Variants in SGCD observed in about 807,000 individuals in gnomAD.
The protein encoded by SGCD is delta-sarcoglycan.
SGCD carries 18 observed loss-of-function variants against 36.6 expected under a neutral mutation model. The ratio of observed to expected loss-of-function variants is 0.49; its 90% CI spans 0.34 to 0.73. SGCD has a LOEUF of 0.73. SGCD is among the 30% of genes least tolerant of loss of function. The probability of loss-of-function intolerance (pLI) is 0.01; values close to 1 mark genes in which losing one functional copy is unlikely to be tolerated. For missense variants in SGCD, 387 were observed against 346.7 expected (o/e 1.12, Z -0.92); for synonymous variants, 133 against 130.6 (o/e 1.02, Z -0.12).
At chr5:156,285,999 A>C (rs537079354) in intron 3 of SGCD, among the ~76,000 whole-genome samples, 1 of 152,212 alleles carries the variant, frequency 6.6e-6, no homozygotes, top group Admixed American at 6.5e-5. Context: ...CAACCCTATC[A>C]AAAAATGGGT....
chr5:156,210,464 A>G (rs1172986470), intron 3 of SGCD, among the ~76,000 whole-genome samples: 1 of 152,172 alleles, frequency 6.6e-6, no homozygotes, highest in Non-Finnish European at 1.5e-5. Context: ...GCTGACCCCT[A>G]AGAAATAGAG....
chr5:156,707,319 A>G lies in SGCD; in HGVS notation c.576-50262A>G, dbSNP rs561007177. Among the ~76,000 whole-genome samples, 3 of 152,278 alleles carry G rather than the reference A, an allele frequency of 2.0e-5. No homozygotes were observed. In the South Asian group the frequency reaches 6.2e-4, roughly 32 times the overall value. On this transcript the variant is annotated intron_variant, in intron 7 of 8. Transcript: ENST00000337851. Reference sequence around the variant, plus strand: ...CATTAACTGGATTCATGCCTATTCTATTCAATAAAGTTATCTCTTTAGACT... The same window carrying G: ...CATTAACTGGATTCATGCCTATTCTGTTCAATAAAGTTATCTCTTTAGACT...
intron 1 of SGCD, among the ~76,000 whole-genome samples, chr5:155,936,328 T>C (rs1296364306): frequency 6.6e-6 from 1 of 152,176 alleles, no homozygotes; most frequent in East Asian, 1.9e-4. Flanking sequence ...AGGAGATTTA[T>C]TGAGTGATAG....
At chr5:155,863,364 C>T in the SGCD span, among the ~76,000 whole-genome samples, 2 of 152,040 alleles carry the variant, frequency 1.3e-5, no homozygotes, top group Non-Finnish European at 2.9e-5. Flanking sequence ...TAAATGACTT[C>T]CTGGTGGGTT....
At chr5:156,414,901 G>C (rs1344548609) in intron 3 of SGCD, among the ~76,000 whole-genome samples, 1 of 152,142 alleles carries the variant, frequency 6.6e-6, no homozygotes, top group African/African-American at 2.4e-5. Flanking sequence ...CTACTATTGT[G>C]ATGAAAAATC....
At chr5:155,773,856 G>A in the SGCD span, among the ~76,000 whole-genome samples, 2 of 152,100 alleles carry the variant, frequency 1.3e-5, no homozygotes, top group African/African-American at 4.8e-5. Context: ...CAGGCCAGCC[G>A]AAGGTCATGA....
chr5:156,477,841 T>G (rs1755255180), intron 3 of SGCD, among the ~76,000 whole-genome samples: 1 of 152,194 alleles, frequency 6.6e-6, no homozygotes, highest in African/African-American at 2.4e-5. Flanking sequence ...AGGTGCAAAA[T>G]GCAGCATCTC....
chr5:156,725,519 G>T lies in SGCD; in HGVS notation c.576-32062G>T, dbSNP rs1184570544. Among the ~76,000 whole-genome samples the T allele has an allele frequency of 2.6e-5, 4 of 152,168 alleles. No individual in the cohort carries two copies. The East Asian group carries it at 7.7e-4, about 29-fold the overall frequency. On this transcript the variant is annotated intron_variant, in intron 7 of 8. Transcript: ENST00000337851. ...GTCCAGAGCCAGCTGGGTCTGATGGGTTCCATAAATAAGAACTGGACTCCA... is the reference window on the plus strand; with the variant it reads ...GTCCAGAGCCAGCTGGGTCTGATGGTTTCCATAAATAAGAACTGGACTCCA...
chr5:155,951,565 T>C (rs1757549307), intron 1 of SGCD, among the ~76,000 whole-genome samples: 1 of 152,210 alleles, frequency 6.6e-6, no homozygotes, highest in Non-Finnish European at 1.5e-5. Context: ...GCATGCCTAA[T>C]TATTGGTCAC....
intron 3 of SGCD, among the ~76,000 whole-genome samples, chr5:156,181,365 T>TAA (rs1763601546): frequency 6.6e-6 from 1 of 152,180 alleles, no homozygotes; most frequent in East Asian, 1.9e-4. Flanking sequence ...ACTAAAAAAC[T>TAA]TGCTATCATT....
intron 1 of SGCD, among the ~76,000 whole-genome samples, chr5:156,060,939 T>C (rs1388645171): frequency 6.9e-6 from 1 of 145,730 alleles, no homozygotes; most frequent in Non-Finnish European, 1.5e-5. Context: ...GCCACCTCAT[T>C]TTAACATCCC....
intron 7 of SGCD, among the ~76,000 whole-genome samples, chr5:156,752,396 C>CT: frequency 6.6e-6 from 1 of 152,130 alleles, no homozygotes; most frequent in Middle Eastern, 3.4e-3. Context: ...GTCATTCTTT[C>CT]TTTTTTTCCC....
Position 156,274,871 on chromosome 5 carries a change from G to T in SGCD, c.-43-54663G>T, listed in dbSNP as rs533437304. 2.0e-5 allele frequency among the ~76,000 whole-genome samples: 3 copies of T among 152,216 alleles called. No homozygotes were observed. The East Asian group carries it at 5.8e-4, about 29-fold the overall frequency. On this transcript the variant is annotated intron_variant, in intron 3 of 9. Transcript: ENST00000517913. The stretch of plus-strand genomic sequence containing the variant: ...CTGTGACCCTGGGGTCCCTCAGTCT[G>T]CAAGGAGTTGCAAGCTCAAACACCT...
intron 3 of SGCD, among the ~76,000 whole-genome samples, chr5:156,141,727 T>G (rs1292985977): frequency 6.6e-6 from 1 of 152,178 alleles, no homozygotes; most frequent in Non-Finnish European, 1.5e-5. Flanking sequence ...CAGAGCATAG[T>G]GAAGTAAATG....
chr5:156,129,324 A>T (rs1336154338), intron 3 of SGCD, among the ~76,000 whole-genome samples: 1 of 152,212 alleles, frequency 6.6e-6, no homozygotes, highest in Non-Finnish European at 1.5e-5. Flanking sequence ...CCTAATGTAC[A>T]GATGTAGAAA....
intron 3 of SGCD, among the ~76,000 whole-genome samples, chr5:156,310,368 T>C (rs545066916): frequency 2.0e-5 from 3 of 152,208 alleles, no homozygotes; most frequent in Non-Finnish European, 2.9e-5. Flanking sequence ...TCTGTGATGA[T>C]AGTCAGAACA....
rs555925420 is a variant in SGCD, at chr5:156,148,642, A to G, written c.-44+24623A>G. 2.5e-3 allele frequency among the ~76,000 whole-genome samples: 374 copies of G among 152,308 alleles called. 1 individual carries two copies. The highest frequency in any genetic ancestry group is 7.9e-3 in the African/African-American group (328 of 41,548). ...CTCACCATCCAATAATGAGATACAG[A>G]CAGACTGGGAAAGAAGGCAGTTTAT... On this transcript the variant is annotated intron_variant, in intron 3 of 9. Transcript: ENST00000517913.
At chr5:156,756,574 G>T (rs1757343065) in intron 7 of SGCD, among the ~76,000 whole-genome samples, 1 of 152,080 alleles carries the variant, frequency 6.6e-6, no homozygotes, top group Non-Finnish European at 1.5e-5. Flanking sequence ...AATATTTAGG[G>T]GATGGTTGAG....
At chr5:156,339,361 C>G (rs966552796) in intron 2 of SGCD, among the ~76,000 whole-genome samples, 2 of 152,140 alleles carry the variant, frequency 1.3e-5, no homozygotes, top group Non-Finnish European at 2.9e-5. Context: ...TGGATTTAAG[C>G]CTGCTTAGCA....
Sources: allele counts gnomAD v4.1 joint callset (sites outside exome capture counted in the v4.1 genomes callset), GRCh38; gene constraint gnomAD v4.1.1; transcripts MANE v1.5; gene names NCBI Gene and HGNC (gene_info 2026-07-23, HGNC 2026-07-21).